CSF2RA: variants seen among roughly 807,000 people sequenced by gnomAD.
The protein encoded by CSF2RA is colony stimulating factor 2 receptor subunit alpha, also known as granulocyte-macrophage colony-stimulating factor receptor subunit alpha.
Under a neutral mutation model 51.6 loss-of-function variants are expected in CSF2RA, and 42 were observed. That is an observed-to-expected ratio of 0.81 (90% CI 0.64 to 1.05). CSF2RA has a LOEUF of 1.05. Among genes scored for constraint, CSF2RA ranks in the 50% least tolerant of loss-of-function variants. The pLI, the probability that CSF2RA is intolerant of heterozygous loss-of-function variation, is 0.00. For synonymous variants in CSF2RA, 222 were observed against 193.0 expected (o/e 1.15, Z -1.24); for missense variants, 530 against 501.1 (o/e 1.06, Z -0.55).
At chrX:1,269,341 C>G (rs1488185175) in intron 1 of CSF2RA, among the ~76,000 whole-genome samples, 1 of 152,088 alleles carries the variant, frequency 6.6e-6, no homozygotes, top group Non-Finnish European at 1.5e-5. Flanking sequence ...ATGAACGCGG[C>G]CGGGCGTGGT....
the CSF2RA span, among the ~76,000 whole-genome samples, chrX:1,318,698 A>T: frequency 6.6e-6 from 1 of 151,542 alleles, no homozygotes; most frequent in African/African-American, 2.4e-5. Context: ...CAGGCAGATC[A>T]CAAGGTCAGG....
chrX:1,314,199 A>G (rs192724766), downstream of CSF2RA, among the ~76,000 whole-genome samples: 460 of 85,506 alleles, frequency 5.4e-3, 5 homozygotes, highest in African/African-American at 0.035. Context: ...GAGCTTTTGC[A>G]GAACCGCACT....
In CSF2RA at chrX:1,288,830, G is replaced by A. The variant is rs755930892; in HGVS notation, c.415G>A (p.Ala139Thr). 4.3e-6 allele frequency: 7 copies of A among 1,613,924 alleles called. No homozygotes were observed. Among genetic ancestry groups the A allele is most frequent in the Non-Finnish European group, 5.9e-6 (7 of 1,179,870 alleles). The stretch of plus-strand genomic sequence containing the variant: ...TGCGGATTTAATGAACTGTACCTGG[G>A]CGAGGGGTCCGACGGCCCCCCGTGA... The part of the protein sequence containing the change: ...YNADLMNCTW[A>T]RGPTAPRDVQ... Residue 139 changes from alanine to threonine, a missense_variant, in exon 6 of 13, where the codon GCG becomes ACG. By Grantham distance (58) the Ala-to-Thr change is moderately conservative. Transcript: ENST00000381529.
At chrX:1,286,349 A>T (rs1227422972) in intron 4 of CSF2RA, among the ~76,000 whole-genome samples, 5 of 151,914 alleles carry the variant, frequency 3.3e-5, no homozygotes, top group Admixed American at 2.6e-4. Context: ...CAGGTGGATC[A>T]CCTGAGGTCA....
downstream of CSF2RA, among the ~76,000 whole-genome samples, chrX:1,313,793 A>G (rs182399990): frequency 6.6e-6 from 1 of 152,042 alleles, no homozygotes; most frequent in Non-Finnish European, 1.5e-5. Flanking sequence ...GTCCGAGACC[A>G]GCCTGGCTAA....
chrX:1,270,659 A>G (rs1380675231), intron 1 of CSF2RA, among the ~76,000 whole-genome samples: 5 of 151,854 alleles, frequency 3.3e-5, no homozygotes, highest in African/African-American at 1.2e-4. Flanking sequence ...AGTAAACAGT[A>G]TTGATCTGTT....
chrX:1,308,543 G>C (rs1477671997), intron 12 of CSF2RA, among the ~76,000 whole-genome samples: 9 of 152,004 alleles, frequency 5.9e-5, no homozygotes, highest in African/African-American at 2.2e-4. Context: ...CCAGCTCAGG[G>C]GCTGTGTCTT....
At chrX:1,299,642 G>GCA (rs1445522604) in intron 9 of CSF2RA, among the ~76,000 whole-genome samples, 203 of 152,168 alleles carry the variant, frequency 1.3e-3, no homozygotes, top group Non-Finnish European at 2.3e-3. Context: ...TTTTAGCCAG[G>GCA]CACGGTGGCT....
At chrX:1,315,008 GCACCTGCCCAACCA>G (rs1569515205), downstream of CSF2RA, among the ~76,000 whole-genome samples, 45 of 133,254 alleles carry the variant, frequency 3.4e-4, 4 homozygotes, top group African/African-American at 9.2e-4. Context: ...CAACCCCACT[GCACCTGCCCAACCA>G]CACTGCACCA....
chrX:1,323,779 C>CCA, the CSF2RA span, among the ~76,000 whole-genome samples: 1 of 151,360 alleles, frequency 6.6e-6, no homozygotes, highest in East Asian at 2.0e-4. Flanking sequence ...CTTTGGGAGG[C>CCA]AGAGGCGGGC....
At chrX:1,307,388 TC>T (rs34782237) in intron 12 of CSF2RA, among the ~76,000 whole-genome samples, 1 of 137,982 alleles carries the variant, frequency 7.2e-6, no homozygotes, top group African/African-American at 2.7e-5. Context: ...GGCCCACCAT[TC>T]CCCTTTAGAC....
intron 9 of CSF2RA, among the ~76,000 whole-genome samples, chrX:1,299,999 C>T (rs1434423761): frequency 2.2e-4 from 33 of 151,232 alleles, no homozygotes; most frequent in African/African-American, 6.6e-4. Context: ...GGTCGGATCA[C>T]GAGGTGAGGA....
intron 12 of CSF2RA, among the ~76,000 whole-genome samples, chrX:1,308,911 A>G (rs2083943375): frequency 6.6e-6 from 1 of 152,090 alleles, no homozygotes; most frequent in African/African-American, 2.4e-5. Flanking sequence ...CCATGGGTGG[A>G]TCTGTCTCAG....
the CSF2RA span, among the ~76,000 whole-genome samples, chrX:1,322,438 TG>T: frequency 2.3e-5 from 2 of 87,730 alleles, no homozygotes; most frequent in African/African-American, 4.8e-5. Flanking sequence ...TGTGTGTGTT[TG>T]TTTTTTTTTT....
intron 4 of CSF2RA, among the ~76,000 whole-genome samples, chrX:1,287,385 C>G (rs757145311): frequency 1.3e-5 from 2 of 149,958 alleles, no homozygotes; most frequent in East Asian, 3.9e-4. Context: ...AACTCCTGAC[C>G]TCGTGATCCA....
chrX:1,276,906 C>A (rs2089257074), intron 2 of CSF2RA, among the ~76,000 whole-genome samples: 1 of 151,720 alleles, frequency 6.6e-6, no homozygotes. Flanking sequence ...CGAGACCATC[C>A]TGGCCAACAT....
At position 1,288,993 on chromosome X, in the gene CSF2RA, G is replaced by T. The variant is rs28480565; in HGVS notation, c.473+105G>T. On this transcript the variant is annotated intron_variant, in intron 6 of 12. Coordinates refer to ENST00000381529, the MANE Select transcript of CSF2RA (RefSeq NM_172245.4). ...TTTTCTTTTTTTAAGACATGGTCTT[G>T]CTCTGTTGCCCAGGCTGCAATGCAA... 0.11 allele frequency: 166,419 copies of T among 1,495,114 alleles called. 10,415 individuals carry two copies. The highest frequency in any genetic ancestry group is 0.12 in the Non-Finnish European group (134,655 of 1,077,874). 92.6% of individuals were successfully genotyped at this position (1,495,114 alleles called of 1,614,324 possible). A position where few individuals can be genotyped will look rare whatever the true frequency, so the allele number is the denominator to read the frequency against.
downstream of CSF2RA, among the ~76,000 whole-genome samples, chrX:1,312,999 GGA>G (rs1479215054): frequency 6.6e-6 from 1 of 152,132 alleles, no homozygotes; most frequent in Non-Finnish European, 1.5e-5. Context: ...AGTGAGAGGA[GGA>G]GACTCCCACA....
At chrX:1,300,197 T>C in intron 9 of CSF2RA, 1 of 303,802 alleles carries the variant, frequency 3.3e-6, no homozygotes. Flanking sequence ...GCAGCCTGGG[T>C]GACAGAGGGA....
Sources: allele counts gnomAD v4.1 joint callset (sites outside exome capture counted in the v4.1 genomes callset), GRCh38; gene constraint gnomAD v4.1.1; transcripts MANE v1.5; gene names NCBI Gene and HGNC (gene_info 2026-07-23, HGNC 2026-07-21).